The following ATXN10 variants were observed in gnomAD, a reference collection of about 807,000 sequenced individuals.
ATXN10 encodes ataxin-10.
In ATXN10, 28 loss-of-function variants were observed where a neutral mutation model predicts 52.9. That is an observed-to-expected ratio of 0.53 (90% CI 0.39 to 0.73). ATXN10 has a LOEUF of 0.73. ATXN10 is among the 30% of genes least tolerant of loss of function. The probability of loss-of-function intolerance (pLI) is 0.00; values close to 1 mark genes in which losing one functional copy is unlikely to be tolerated. For synonymous variants in ATXN10, 226 were observed against 221.5 expected, an observed-to-expected ratio of 1.02 and a Z score of -0.18; for missense variants, 565 against 577.0, an observed-to-expected ratio of 0.98 and a Z score of 0.21.
intron 1 of ATXN10, chr22:45,679,709 A>G (rs1255565989): frequency 6.6e-6 from 1 of 152,218 alleles, no homozygotes; most frequent in Non-Finnish European, 1.5e-5. Context: ...GAGAACATCA[A>G]TTAAGTTACA....
intron 9 of ATXN10, among the ~76,000 whole-genome samples, chr22:45,800,575 A>G (rs1927898793): frequency 6.6e-6 from 1 of 152,254 alleles, no homozygotes. Flanking sequence ...CATATGACCC[A>G]GCAATTTCAT....
chr22:45,686,779 A>G (rs1348389596), intron 1 of ATXN10, among the ~76,000 whole-genome samples: 1 of 150,454 alleles, frequency 6.6e-6, no homozygotes, highest in Non-Finnish European at 1.5e-5. Flanking sequence ...AGATCACGCT[A>G]CTGCACTCCA....
chr22:45,843,589 G>T lies in ATXN10; in HGVS notation c.1426-80G>T. 1.4e-6 allele frequency: 2 copies of T among 1,379,998 alleles called. No individual in the cohort carries two copies. Among genetic ancestry groups the T allele is most frequent in the South Asian group, 1.2e-5 (1 of 84,046 alleles). The allele number at this position is 1,379,998 out of a possible 1,614,324, so 85.5% of individuals were successfully genotyped here. ...ATTTGTCACCACTGACCAAAGTTCT[G>T]GGTTTTTTCCCCTTTTGTCTGATGA... On this transcript the variant is annotated intron_variant, in intron 11 of 11. Coordinates refer to ENST00000252934, the MANE Select transcript of ATXN10 (RefSeq NM_013236.4). This position sits in a 1 kb window ranked among gnomAD's most constrained non-coding sequence, Gnocchi z 4.5.
At chr22:45,748,651 C>T (rs182189026) in intron 9 of ATXN10, among the ~76,000 whole-genome samples, 1 of 152,086 alleles carries the variant, frequency 6.6e-6, no homozygotes, top group Admixed American at 6.5e-5. Flanking sequence ...TTGGATTGTG[C>T]GTTTTTCCTG....
chr22:45,813,247 T>C (rs1267625347), intron 10 of ATXN10, among the ~76,000 whole-genome samples: 2 of 152,162 alleles, frequency 1.3e-5, no homozygotes, highest in African/African-American at 4.8e-5. Flanking sequence ...TGTTTCCAAA[T>C]AGAAACAGCT....
chr22:45,685,285 CT>C (rs1176659725), intron 1 of ATXN10, among the ~76,000 whole-genome samples: 1 of 152,080 alleles, frequency 6.6e-6, no homozygotes, highest in Non-Finnish European at 1.5e-5. Context: ...GAAATTCTAC[CT>C]TTTGTATAAT....
At chr22:45,764,763 C>T (rs1050052137) in intron 9 of ATXN10, among the ~76,000 whole-genome samples, 9 of 152,170 alleles carry the variant, frequency 5.9e-5, no homozygotes, top group East Asian at 1.9e-4. Flanking sequence ...TAGTAAGCTG[C>T]GGAGTTATTG....
chr22:45,830,507 TAAC>T (rs1354686649), intron 10 of ATXN10, among the ~76,000 whole-genome samples: 1 of 152,062 alleles, frequency 6.6e-6, no homozygotes, highest in Non-Finnish European at 1.5e-5. Context: ...TCATAAAACT[TAAC>T]AATAAAACAA....
intron 9 of ATXN10, among the ~76,000 whole-genome samples, chr22:45,752,876 G>A (rs1332627148): frequency 2.0e-4 from 31 of 152,074 alleles, no homozygotes; most frequent in Non-Finnish European, 4.4e-5. Flanking sequence ...TGGGATTACA[G>A]GCATGCGCCA....
intron 9 of ATXN10, among the ~76,000 whole-genome samples, chr22:45,768,766 G>C (rs1310381085): frequency 1.3e-5 from 2 of 152,206 alleles, no homozygotes; most frequent in Admixed American, 6.5e-5. Flanking sequence ...GCTCTGTGTT[G>C]ACTTTGTTGG....
intron 6 of ATXN10, among the ~76,000 whole-genome samples, chr22:45,722,984 A>G (rs1334066156): frequency 6.6e-6 from 1 of 152,170 alleles, no homozygotes; most frequent in Non-Finnish European, 1.5e-5. Context: ...ACTAGGTGCC[A>G]AATTCCCTGA....
rs1462645153 is a variant in ATXN10, at chr22:45,683,590, A to G, written c.117-6122A>G. On this transcript the variant is annotated intron_variant, in intron 1 of 11. Transcript: ENST00000252934. The surrounding 1 kb of genome is among the most constrained non-coding windows in gnomAD (Gnocchi z 4.8). ...TCTGTGCTTAAATACTACTTTTAAA[A>G]TAAGGTTTAAATAATATCTTATGTA... Among the ~76,000 whole-genome samples the G allele has an allele frequency of 6.6e-6, 1 of 152,216 alleles. No individual in the cohort carries two copies. Among genetic ancestry groups the G allele is most frequent in the Admixed American group, 6.5e-5 (1 of 15,286 alleles).
At position 45,770,439 on chromosome 22, in the gene ATXN10, G is replaced by T. The variant is rs1281679147; in HGVS notation, c.1173+29901G>T. Among the ~76,000 whole-genome samples the T allele has an allele frequency of 6.6e-6, 1 of 152,210 alleles. No homozygotes were observed. The highest frequency in any genetic ancestry group is 1.5e-5 in the Non-Finnish European group (1 of 68,040). On this transcript the variant is annotated intron_variant, in intron 9 of 11. Coordinates refer to ENST00000252934, the MANE Select transcript of ATXN10 (RefSeq NM_013236.4). The surrounding 1 kb of genome is among the most constrained non-coding windows in gnomAD (Gnocchi z 4.5). ...ATACACACTAATGGGACACACACGT[G>T]TGTTTCTGTGTCTGTGAATGTGTGT...
At position 45,828,182 on chromosome 22, in the gene ATXN10, C is replaced by G. The variant is rs1367539080; in HGVS notation, c.1238-14809C>G. 1.3e-5 allele frequency among the ~76,000 whole-genome samples: 2 copies of G among 150,008 alleles called. No homozygotes were observed. Among genetic ancestry groups the G allele is most frequent in the Admixed American group, 1.3e-4 (2 of 15,026 alleles). The stretch of plus-strand genomic sequence containing the variant: ...CCTGGGCAACATGGTGAAGCCCCAT[C>G]TCTATTAAAAACTTTAAAAAAGAAA... On this transcript the variant is annotated intron_variant, in intron 10 of 11. Transcript: ENST00000252934. This position sits in a 1 kb window ranked among gnomAD's most constrained non-coding sequence, Gnocchi z 4.5.
chr22:45,829,054 G>A (rs1299397363), intron 10 of ATXN10, among the ~76,000 whole-genome samples: 2 of 152,170 alleles, frequency 1.3e-5, no homozygotes, highest in African/African-American at 2.4e-5. Flanking sequence ...CCTGGAATGC[G>A]GGGGTGGTTC....
In ATXN10 at chr22:45,763,828, G is replaced by T. The variant is rs751484068; in HGVS notation, c.1173+23290G>T. ...GTGCTGGGAACAGCATAGCATGGTG[G>T]TGGAGTGGGCTCACTGAGTGAGCTG... On this transcript the variant is annotated intron_variant, in intron 9 of 11. Transcript: ENST00000252934. The surrounding 1 kb of genome is among the most constrained non-coding windows in gnomAD (Gnocchi z 6.9). Among the ~76,000 whole-genome samples the T allele has an allele frequency of 1.3e-5, 2 of 152,234 alleles. No homozygotes were observed. The highest frequency in any genetic ancestry group is 2.9e-5 in the Non-Finnish European group (2 of 68,040).
chr22:45,770,815 T>A lies in ATXN10; in HGVS notation c.1173+30277T>A, dbSNP rs914750030. ...TTGCTGGGACCCTTTAGCCAGTGAA[T>A]TGTTTCATTTGGTCCCATGGCCTGG... On this transcript the variant is annotated intron_variant, in intron 9 of 11. Coordinates refer to ENST00000252934, the MANE Select transcript of ATXN10 (RefSeq NM_013236.4). This position sits in a 1 kb window ranked among gnomAD's most constrained non-coding sequence, Gnocchi z 4.5. Among the ~76,000 whole-genome samples, 1 of 152,308 alleles carries A rather than the reference T, an allele frequency of 6.6e-6. No homozygotes were observed. The highest frequency in any genetic ancestry group is 2.4e-5 in the African/African-American group (1 of 41,566).
intron 8 of ATXN10, among the ~76,000 whole-genome samples, chr22:45,740,069 A>G (rs1298537744): frequency 1.3e-5 from 2 of 152,242 alleles, no homozygotes; most frequent in Admixed American, 6.5e-5. Flanking sequence ...TGTAAGAAGG[A>G]TGCTAGCAAA....
At chr22:45,748,348 C>A (rs888098007) in intron 9 of ATXN10, among the ~76,000 whole-genome samples, 14 of 152,178 alleles carry the variant, frequency 9.2e-5, no homozygotes, top group Non-Finnish European at 1.8e-4. Context: ...CAACATTTCA[C>A]AAGGATTTGC....
Sources: allele counts gnomAD v4.1 joint callset (sites outside exome capture counted in the v4.1 genomes callset), GRCh38; gene constraint gnomAD v4.1.1; non-coding constraint Gnocchi (gnomAD v3.1); transcripts MANE v1.5; gene names NCBI Gene and HGNC (gene_info 2026-07-23, HGNC 2026-07-21).